The following PWWP2A variants were observed in gnomAD, a reference collection of about 807,000 sequenced individuals.
PWWP2A encodes PWWP domain containing 2A.
PWWP2A carries 18 observed loss-of-function variants against 48.5 expected under a neutral mutation model. The ratio of observed to expected loss-of-function variants is 0.37; its 90% confidence interval spans 0.26 to 0.55. The LOEUF is 0.55. PWWP2A is among the 20% of genes least tolerant of loss of function. The probability of loss-of-function intolerance (pLI) is 0.81; values close to 1 mark genes in which losing one functional copy is unlikely to be tolerated. For synonymous variants in PWWP2A, 396 were observed against 387.7 expected, an observed-to-expected ratio of 1.02 and a Z score of -0.25; for missense variants, 867 against 976.4, an observed-to-expected ratio of 0.89 and a Z score of 1.49.
the PWWP2A span, among the ~76,000 whole-genome samples, chr5:160,055,267 GT>G: frequency 2.0e-5 from 3 of 152,204 alleles, no homozygotes; most frequent in African/African-American, 7.2e-5. Context: ...TATATTTTTG[GT>G]TCTTCCTTGA....
Position 160,103,989 on chromosome 5 carries a change from C to A in PWWP2A, c.585-9924G>T, listed in dbSNP as rs552026189. On this transcript the variant is annotated intron_variant, in intron 1 of 1. Transcript: ENST00000307063. ...ATACAAAAAAATTAGAAGGGCCTGG[C>A]GGTGTGCATCCATAATCCCATCTAC... Among the ~76,000 whole-genome samples the A allele has an allele frequency of 1.6e-3, 237 of 151,680 alleles. 3 individuals are homozygous for A. Among genetic ancestry groups the A allele is most frequent in the African/African-American group, 5.5e-3 (229 of 41,372 alleles).
chr5:160,049,814 T>C, the PWWP2A span: 1 of 673,224 alleles, frequency 1.5e-6, no homozygotes, highest in African/African-American at 1.9e-5. Flanking sequence ...GCAGTGGCTC[T>C]TGCCTGTAAT....
At chr5:160,059,765 T>C (rs2113416696), downstream of PWWP2A, among the ~76,000 whole-genome samples, 1 of 152,298 alleles carries the variant, frequency 6.6e-6, no homozygotes, top group East Asian at 1.9e-4. Context: ...AATTAAATAG[T>C]AACCTCACAG....
At chr5:160,048,807 C>T in the PWWP2A span, among the ~76,000 whole-genome samples, 16 of 152,180 alleles carry the variant, frequency 1.1e-4, no homozygotes, top group East Asian at 3.9e-4. Context: ...AAAAATTAGC[C>T]GGGCATGGTG....
Position 160,119,271 on chromosome 5 carries a change from G to C in PWWP2A, c.118C>G (p.Leu40Val). The change falls in exon 1 of 2, where the codon CTC becomes GTC. Residue 40 changes from leucine to valine, a missense_variant. Leu to Val is a conservative substitution (Grantham distance 32). Transcript: ENST00000307063. ...IPGSEAGTDP[L>V]PVTATEASVP... ...GACGCTTCAGTGGCCGTGACCGGGA[G>C]GGGGTCAGTGCCGGCCTCACTGCCG... 3 of 1,402,270 alleles carry C rather than the reference G, an allele frequency of 2.1e-6. No homozygotes were observed. The highest frequency in any genetic ancestry group is 2.8e-6 in the Non-Finnish European group (3 of 1,088,212). 86.9% of individuals were successfully genotyped at this position (1,402,270 alleles called of 1,614,324 possible).
intron 1 of PWWP2A, among the ~76,000 whole-genome samples, chr5:160,103,562 G>A (rs1040096920): frequency 1.1e-4 from 17 of 152,234 alleles, no homozygotes; most frequent in East Asian, 3.9e-4. Flanking sequence ...ATAAATCACC[G>A]TGGATTAGTG....
At chr5:160,069,934 G>A (rs1375828912) in intron 2 of PWWP2A, among the ~76,000 whole-genome samples, 1 of 152,104 alleles carries the variant, frequency 6.6e-6, no homozygotes, top group Admixed American at 6.5e-5. Context: ...TTTCCATCAA[G>A]TCTTGTGTTT....
At chr5:160,051,083 T>G in the PWWP2A span, 5 of 31,604 alleles carry the variant, frequency 1.6e-4, no homozygotes, top group South Asian at 6.7e-4. Context: ...AAGGTTTTGG[T>G]TTTTTTTTTT....
the PWWP2A span, among the ~76,000 whole-genome samples, chr5:160,050,576 C>T: frequency 6.6e-6 from 1 of 151,630 alleles, no homozygotes; most frequent in Non-Finnish European, 1.5e-5. Flanking sequence ...TATTGATGCC[C>T]TCCTTTAGTG....
chr5:160,118,672 A>G (rs1758392356), intron 1 of PWWP2A, 133 bp downstream of exon 1: 2 of 916,520 alleles, frequency 2.2e-6, no homozygotes, highest in East Asian at 6.7e-5. Flanking sequence ...AGCGCGCGCC[A>G]CGCGCCGCGC....
chr5:160,117,631 T>C (rs1204077740), intron 1 of PWWP2A, among the ~76,000 whole-genome samples: 1 of 150,552 alleles, frequency 6.6e-6, no homozygotes, highest in African/African-American at 2.4e-5. Context: ...CACTCCAGCC[T>C]GGGTGACAGA....
chr5:160,109,332 C>T (rs1403484152), intron 1 of PWWP2A, among the ~76,000 whole-genome samples: 1 of 150,640 alleles, frequency 6.6e-6, no homozygotes, highest in Admixed American at 6.7e-5. Context: ...TCCTTATTTC[C>T]TGTCACATCC....
intron 1 of PWWP2A, among the ~76,000 whole-genome samples, chr5:160,094,865 G>A (rs1253721743): frequency 6.6e-6 from 1 of 151,654 alleles, no homozygotes; most frequent in Admixed American, 6.6e-5. Context: ...GGCGAACACG[G>A]TGAAACCCCG....
chr5:160,046,143 T>A, the PWWP2A span, among the ~76,000 whole-genome samples: 1 of 152,242 alleles, frequency 6.6e-6, no homozygotes, highest in Non-Finnish European at 1.5e-5. Flanking sequence ...TGTCTATACT[T>A]GGCTGTCTCT....
At chr5:160,082,967 G>A (rs985606931) in intron 2 of PWWP2A, among the ~76,000 whole-genome samples, 2 of 152,156 alleles carry the variant, frequency 1.3e-5, no homozygotes, top group African/African-American at 4.8e-5. Context: ...TAGCGTGCAC[G>A]AAAGAAGTAG....
At chr5:160,057,863 G>C (rs568712348), downstream of PWWP2A, among the ~76,000 whole-genome samples, 4 of 152,260 alleles carry the variant, frequency 2.6e-5, no homozygotes, top group East Asian at 7.7e-4. This position sits in a 1 kb window ranked among gnomAD's most constrained non-coding sequence, Gnocchi z 4.4. Flanking sequence ...CGCCTCCTGG[G>C]TTCAAACAAT....
chr5:160,109,796 TATATATATATATAAA>T (rs1757343409), intron 1 of PWWP2A, among the ~76,000 whole-genome samples: 3 of 126,300 alleles, frequency 2.4e-5, no homozygotes, highest in Non-Finnish European at 4.9e-5. Context: ...TATATATATA[TATATATATATATAAA>T]ATAATATAAT....
At chr5:160,057,572 T>C (rs532861156), downstream of PWWP2A, among the ~76,000 whole-genome samples, 21 of 152,354 alleles carry the variant, frequency 1.4e-4, no homozygotes, top group South Asian at 2.7e-3. This position sits in a 1 kb window ranked among gnomAD's most constrained non-coding sequence, Gnocchi z 4.4. Context: ...TTGGGGTGTC[T>C]GTGGCAGTAT....
chr5:160,105,239 CAAAAAAAAAAAAA>C (rs70990704), intron 1 of PWWP2A, among the ~76,000 whole-genome samples: 22 of 48,946 alleles, frequency 4.5e-4, no homozygotes, highest in Non-Finnish European at 4.2e-4. Flanking sequence ...GTCTCTAAGG[CAAAAAAAAAAAAA>C]AAAAAAAAAA....
Sources: gnomAD v4.1 joint callset for allele counts (sites outside exome capture counted in the v4.1 genomes callset) on GRCh38, gnomAD v4.1.1 for gene constraint, Gnocchi (gnomAD v3.1) non-coding constraint, MANE v1.5 for transcripts, NCBI Gene and HGNC (gene_info 2026-07-23, HGNC 2026-07-21) for gene names.